Variants in KLF12 observed in about 807,000 individuals in gnomAD.
KLF12 encodes the protein Krueppel-like factor 12.
Under a neutral mutation model 37.8 loss-of-function variants are expected in KLF12, and 9 were observed. The ratio of observed to expected loss-of-function variants is 0.24; its 90% CI spans 0.14 to 0.42. The LOEUF is 0.42. Ranked by LOEUF, KLF12 falls within the 10% of genes least tolerant of loss-of-function variation. The pLI is 1.00. For missense variants in KLF12, 411 were observed against 516.0 expected (o/e 0.80, Z 1.97); for synonymous variants, 208 against 202.1 (o/e 1.03, Z -0.25).
At chr13:74,178,123 T>A in the KLF12 span, among the ~76,000 whole-genome samples, 58 of 152,328 alleles carry the variant, frequency 3.8e-4, no homozygotes, top group African/African-American at 1.3e-3. Flanking sequence ...TTTTTAAATG[T>A]ATGCTTTTGC....
chr13:74,081,104 T>G (rs1322843390), intron 1 of KLF12, among the ~76,000 whole-genome samples: 1 of 152,182 alleles, frequency 6.6e-6, no homozygotes, highest in Non-Finnish European at 1.5e-5. Context: ...TCTAGAAAAC[T>G]AGTCAACCAA....
intron 5 of KLF12, among the ~76,000 whole-genome samples, chr13:73,789,853 T>C (rs1480495645): frequency 6.6e-6 from 1 of 152,076 alleles, no homozygotes; most frequent in Non-Finnish European, 1.5e-5. Flanking sequence ...ATTTTTTGTA[T>C]TTTTAGTAGA....
intron 5 of KLF12, among the ~76,000 whole-genome samples, chr13:73,798,805 T>C (rs922993707): frequency 6.6e-6 from 1 of 152,222 alleles, no homozygotes; most frequent in African/African-American, 2.4e-5. Context: ...TTTTTTGCAC[T>C]GTTGGTAGGA....
At chr13:73,902,384 A>G (rs1051574008) in intron 3 of KLF12, among the ~76,000 whole-genome samples, 1 of 152,190 alleles carries the variant, frequency 6.6e-6, no homozygotes, top group Admixed American at 6.6e-5. Context: ...GACATAGGTT[A>G]TCTCAACTAT....
chr13:73,866,093 T>A (rs1886162511), intron 3 of KLF12, among the ~76,000 whole-genome samples: 2 of 151,974 alleles, frequency 1.3e-5, no homozygotes, highest in Non-Finnish European at 2.9e-5. Context: ...CCATCACTAC[T>A]AAAAATACAA....
the KLF12 span, among the ~76,000 whole-genome samples, chr13:74,295,998 T>G: frequency 6.6e-6 from 1 of 151,774 alleles, no homozygotes; most frequent in Non-Finnish European, 1.5e-5. Flanking sequence ...TTTTTTATAT[T>G]TTTTAGCAGA....
intron 4 of KLF12, 21 bp from the exon 5 acceptor site, chr13:73,813,308 T>C: frequency 6.2e-7 from 1 of 1,613,444 alleles, no homozygotes; most frequent in Non-Finnish European, 8.5e-7. Flanking sequence ...AAGGCATATA[T>C]AATGAATTAA....
At chr13:73,853,277 T>C (rs17061590) in intron 3 of KLF12, among the ~76,000 whole-genome samples, 5,340 of 152,332 alleles carry the variant, frequency 0.035, 262 homozygotes, top group African/African-American at 0.1. Context: ...TATTTTTTCA[T>C]GACCTATTTA....
intron 3 of KLF12, among the ~76,000 whole-genome samples, chr13:73,882,153 G>C (rs1348278257): frequency 2.0e-5 from 3 of 152,128 alleles, no homozygotes; most frequent in Non-Finnish European, 4.4e-5. Context: ...TTTACCTGGT[G>C]GGCTTCTCTG....
At chr13:74,092,133 C>A (rs1875703296) in intron 1 of KLF12, among the ~76,000 whole-genome samples, 2 of 148,914 alleles carry the variant, frequency 1.3e-5, no homozygotes, top group South Asian at 4.3e-4. Flanking sequence ...ACTAAAAATA[C>A]CAAAAAAGAA....
intron 4 of KLF12, among the ~76,000 whole-genome samples, chr13:73,828,395 G>A (rs892703954): frequency 6.6e-6 from 1 of 152,108 alleles, no homozygotes; most frequent in Non-Finnish European, 1.5e-5. Context: ...TCTGATAAAT[G>A]TCATTTTAGA....
At chr13:74,036,874 A>G (rs2138514352) in intron 1 of KLF12, among the ~76,000 whole-genome samples, 1 of 152,240 alleles carries the variant, frequency 6.6e-6, no homozygotes, top group Admixed American at 6.5e-5. Context: ...AAACTTGACC[A>G]TGTTGTCTGT....
intron 3 of KLF12, among the ~76,000 whole-genome samples, chr13:73,858,994 A>G (rs1026967069): frequency 1.3e-5 from 2 of 152,226 alleles, no homozygotes; most frequent in African/African-American, 4.8e-5. Flanking sequence ...TATTTACTAC[A>G]ACATTATCTG....
intron 1 of KLF12, among the ~76,000 whole-genome samples, chr13:74,064,244 A>T (rs1166174910): frequency 1.3e-5 from 2 of 152,206 alleles, no homozygotes; most frequent in Non-Finnish European, 2.9e-5. Flanking sequence ...ATTCTCAGAG[A>T]ACACATAGGC....
intron 6 of KLF12, among the ~76,000 whole-genome samples, chr13:73,750,703 A>G (rs1878685462): frequency 1.3e-5 from 2 of 152,134 alleles, no homozygotes; most frequent in Non-Finnish European, 2.9e-5. Context: ...AATGTGTACC[A>G]TGGTGATTAG....
At chr13:74,018,355 G>C (rs1050871099) in intron 1 of KLF12, among the ~76,000 whole-genome samples, 1 of 152,210 alleles carries the variant, frequency 6.6e-6, no homozygotes, top group South Asian at 2.1e-4. Context: ...CAGTTAGACA[G>C]GAGAAATACA....
rs1015640471 is a variant in KLF12, at chr13:73,690,747, C to G, written c.*4743G>C. On this transcript the variant is annotated 3_prime_UTR_variant, in exon 8 of 8. Coordinates refer to ENST00000377669, the MANE Select transcript of KLF12 (RefSeq NM_007249.5). ...TTTATTGTGATGAAAACTAGAAGCT[C>G]TCTTTCCCAACATACTTCATCAAAC... 6.6e-6 allele frequency: 1 copy of G among 152,552 alleles called. No homozygotes were observed. The highest frequency in any genetic ancestry group is 6.6e-5 in the Admixed American group (1 of 15,258). The allele number at this position is 152,552 out of a possible 1,614,324, so 9.4% of individuals were successfully genotyped here.
intron 4 of KLF12, among the ~76,000 whole-genome samples, chr13:73,845,314 G>A (rs556750383): frequency 1.3e-5 from 2 of 152,078 alleles, no homozygotes; most frequent in South Asian, 4.2e-4. Flanking sequence ...TATTTTAATG[G>A]CAACTTAATT....
At chr13:74,091,305 T>C (rs1875643021) in intron 1 of KLF12, among the ~76,000 whole-genome samples, 1 of 152,226 alleles carries the variant, frequency 6.6e-6, no homozygotes, top group Non-Finnish European at 1.5e-5. Flanking sequence ...TAAAGACCTA[T>C]GACTTGGCAA....
Sources: gnomAD v4.1 joint callset for allele counts (sites outside exome capture counted in the v4.1 genomes callset) on GRCh38, gnomAD v4.1.1 for gene constraint, MANE v1.5 for transcripts, NCBI Gene and HGNC (gene_info 2026-07-23, HGNC 2026-07-21) for gene names.